Variants in NXPH2 observed in about 807,000 individuals in gnomAD.
NXPH2 encodes the protein neurexophilin-2.
Under a neutral mutation model 19.8 loss-of-function variants are expected in NXPH2, and 5 were observed. That is an observed-to-expected ratio of 0.25 (90% CI 0.13 to 0.53). NXPH2 has a LOEUF of 0.53. Among genes scored for constraint, NXPH2 ranks in the 20% least tolerant of loss-of-function variants. NXPH2 has a pLI of 0.96. For synonymous variants in NXPH2, 154 were observed against 127.4 expected, an observed-to-expected ratio of 1.21 and a Z score of -1.41; for missense variants, 289 against 322.8, an observed-to-expected ratio of 0.90 and a Z score of 0.80.
At chr2:138,689,477 A>T in intron 1 of NXPH2, among the ~76,000 whole-genome samples, 1 of 152,180 alleles carries the variant, frequency 6.6e-6, no homozygotes, top group East Asian at 1.9e-4. Context: ...ACACGGGACA[A>T]TTAGCAAAGC....
intron 1 of NXPH2, among the ~76,000 whole-genome samples, chr2:138,672,328 T>C (rs1215705615): frequency 1.3e-5 from 2 of 152,186 alleles, no homozygotes; most frequent in African/African-American, 4.8e-5. Flanking sequence ...TAATAGGTTA[T>C]ATATGAGTTA....
intron 1 of NXPH2, among the ~76,000 whole-genome samples, chr2:138,742,496 T>C (rs923837257): frequency 1.3e-5 from 2 of 152,208 alleles, no homozygotes; most frequent in African/African-American, 4.8e-5. Context: ...AGGAATTTTC[T>C]CACTAATATT....
intron 1 of NXPH2, among the ~76,000 whole-genome samples, chr2:138,720,222 T>A (rs188419250): frequency 3.3e-5 from 5 of 151,462 alleles, no homozygotes; most frequent in Admixed American, 3.3e-4. Context: ...GCAAAGTAGG[T>A]CTCGTACTGA....
At chr2:138,715,960 A>C (rs1434166371) in intron 1 of NXPH2, among the ~76,000 whole-genome samples, 1 of 152,156 alleles carries the variant, frequency 6.6e-6, no homozygotes, top group Non-Finnish European at 1.5e-5. Context: ...TGGACCAACT[A>C]TTCTAAAGTT....
At chr2:138,688,429 G>A (rs746582692) in intron 1 of NXPH2, among the ~76,000 whole-genome samples, 2 of 152,246 alleles carry the variant, frequency 1.3e-5, no homozygotes, top group Non-Finnish European at 2.9e-5. Context: ...CAATCCACCT[G>A]CCTCAACCTC....
In NXPH2 at chr2:138,670,714, T is replaced by G. The variant is rs1451985815; in HGVS notation, c.*208A>C. On this transcript the variant is annotated 3_prime_UTR_variant, in exon 2 of 2. Transcript: ENST00000272641. ...GTGATGGTTTCATAAACAGTTTAAC[T>G]TTTTAGATAAAGGTACCTACGATAG... 3 of 482,122 alleles carry G rather than the reference T, an allele frequency of 6.2e-6. No individual in the cohort carries two copies. The highest frequency in any genetic ancestry group is 2.0e-5 in the African/African-American group (1 of 50,864). 29.9% of individuals were successfully genotyped at this position (482,122 alleles called of 1,614,324 possible).
chr2:138,741,997 CA>C (rs1321038646), intron 1 of NXPH2, among the ~76,000 whole-genome samples: 1 of 152,180 alleles, frequency 6.6e-6, no homozygotes, highest in Non-Finnish European at 1.5e-5. Context: ...AGTGGGCTTG[CA>C]AAGTCAATTC....
At chr2:138,741,303 T>C in intron 1 of NXPH2, among the ~76,000 whole-genome samples, 1 of 152,170 alleles carries the variant, frequency 6.6e-6, no homozygotes, top group Admixed American at 6.5e-5. Flanking sequence ...GCTGTGGGCA[T>C]CACTGGCCCA....
rs567648938 is a variant in NXPH2, at chr2:138,779,518, C to T, written c.51+673G>A. On this transcript the variant is annotated intron_variant, in intron 1 of 1. Transcript: ENST00000272641. Reference sequence around the variant, plus strand: ...CCACCCAGACCAGGCGGGCGGTCTCCCTGAAAAGACAGCTTCGAGATGCCC... The same window carrying T: ...CCACCCAGACCAGGCGGGCGGTCTCTCTGAAAAGACAGCTTCGAGATGCCC... Among the ~76,000 whole-genome samples, 17 of 152,110 alleles carry T rather than the reference C, an allele frequency of 1.1e-4. 1 individual carries two copies. The highest frequency in any genetic ancestry group is 3.6e-4 in the African/African-American group (15 of 41,492).
At chr2:138,709,647 C>T (rs1420584769) in intron 1 of NXPH2, among the ~76,000 whole-genome samples, 1 of 152,160 alleles carries the variant, frequency 6.6e-6, no homozygotes, top group Non-Finnish European at 1.5e-5. Context: ...AATAGTTTCA[C>T]TGCCCTAAAA....
intron 1 of NXPH2, among the ~76,000 whole-genome samples, chr2:138,694,209 G>A (rs78622069): frequency 0.032 from 4,912 of 152,210 alleles, 276 homozygotes; most frequent in African/African-American, 0.11. Flanking sequence ...GCACTACACC[G>A]CTTTTGGTTT....
intron 1 of NXPH2, among the ~76,000 whole-genome samples, chr2:138,673,631 A>G (rs1680443772): frequency 6.6e-6 from 1 of 151,912 alleles, no homozygotes; most frequent in African/African-American, 2.4e-5. Flanking sequence ...TTTATTTAAA[A>G]AAATGGGATT....
At chr2:138,776,335 A>T (rs1458749167) in intron 1 of NXPH2, among the ~76,000 whole-genome samples, 5 of 152,084 alleles carry the variant, frequency 3.3e-5, no homozygotes, top group African/African-American at 1.2e-4. Flanking sequence ...CAGAACAAAG[A>T]TTAAGAAAGC....
At chr2:138,714,967 A>T (rs76247068) in intron 1 of NXPH2, among the ~76,000 whole-genome samples, 3,170 of 152,320 alleles carry the variant, frequency 0.021, 49 homozygotes, top group Non-Finnish European at 0.033. Context: ...ACATTACCGT[A>T]AATTTCCTGA....
chr2:138,743,639 A>T (rs186303568), intron 1 of NXPH2, among the ~76,000 whole-genome samples: 1 of 152,286 alleles, frequency 6.6e-6, no homozygotes, highest in East Asian at 1.9e-4. Context: ...ACTGAAACCC[A>T]CAGAATAAGA....
chr2:138,759,722 A>C (rs1011714851), intron 1 of NXPH2, among the ~76,000 whole-genome samples: 11 of 144,320 alleles, frequency 7.6e-5, no homozygotes, highest in African/African-American at 2.6e-4. Flanking sequence ...ACAGGCTCCT[A>C]TGCCACCTTT....
intron 1 of NXPH2, among the ~76,000 whole-genome samples, chr2:138,766,309 G>A (rs1372736574): frequency 6.6e-6 from 1 of 152,156 alleles, no homozygotes; most frequent in Non-Finnish European, 1.5e-5. Flanking sequence ...GTTGAGAGAG[G>A]CTGAAGCAGT....
intron 1 of NXPH2, among the ~76,000 whole-genome samples, chr2:138,692,085 G>C (rs909408928): frequency 6.6e-6 from 1 of 152,208 alleles, no homozygotes; most frequent in Non-Finnish European, 1.5e-5. Flanking sequence ...CCCTATAGAT[G>C]AGGTTGTCTG....
intron 1 of NXPH2, among the ~76,000 whole-genome samples, chr2:138,765,320 T>C (rs1682074187): frequency 1.3e-5 from 2 of 152,208 alleles, no homozygotes; most frequent in Admixed American, 6.5e-5. Flanking sequence ...ACTGTGGTTC[T>C]CAGACCTGAT....
Sources: allele counts gnomAD v4.1 joint callset (sites outside exome capture counted in the v4.1 genomes callset), GRCh38; gene constraint gnomAD v4.1.1; transcripts MANE v1.5; gene names NCBI Gene and HGNC (gene_info 2026-07-23, HGNC 2026-07-21).